Variants in STPG2 observed in about 807,000 individuals in gnomAD.
The protein encoded by STPG2 is sperm-tail PG-rich repeat-containing protein 2.
Under a neutral mutation model 54.2 loss-of-function variants are expected in STPG2, and 56 were observed. That is an observed-to-expected ratio of 1.03 (90% CI 0.83 to 1.29). The LOEUF (loss-of-function observed/expected upper bound fraction) is 1.29. STPG2 is among the 50% of genes most tolerant of loss of function. The probability of loss-of-function intolerance (pLI) is 0.00; values close to 1 mark genes in which losing one functional copy is unlikely to be tolerated. For synonymous variants in STPG2, 200 were observed against 181.8 expected (o/e 1.10, Z -0.81); for missense variants, 596 against 544.9 (o/e 1.09, Z -0.93).
At chr4:98,112,752 G>A (rs1235906900) in intron 3 of STPG2, among the ~76,000 whole-genome samples, 3 of 152,040 alleles carry the variant, frequency 2.0e-5, no homozygotes, top group Non-Finnish European at 4.4e-5. Context: ...ACAAGAAGTC[G>A]TCTGCTATGT....
intron 8 of STPG2, among the ~76,000 whole-genome samples, chr4:97,853,808 G>T (rs953894764): frequency 6.6e-5 from 10 of 151,988 alleles, no homozygotes; most frequent in Admixed American, 2.0e-4. Context: ...TAGAAACTGG[G>T]TCTCATTCTC....
chr4:98,031,938 T>C (rs1470404794), intron 5 of STPG2, among the ~76,000 whole-genome samples: 3 of 151,956 alleles, frequency 2.0e-5, no homozygotes, highest in African/African-American at 4.8e-5. Flanking sequence ...AAAGAAGATA[T>C]ACAAATGGCC....
intron 8 of STPG2, among the ~76,000 whole-genome samples, chr4:97,895,676 T>A (rs1730929028): frequency 6.6e-6 from 1 of 151,732 alleles, no homozygotes; most frequent in African/African-American, 2.4e-5. Context: ...TCTAATAAAA[T>A]CCCCTTCCCT....
chr4:97,674,709 A>C (rs1004593319), intron 10 of STPG2, among the ~76,000 whole-genome samples: 4 of 152,216 alleles, frequency 2.6e-5, no homozygotes, highest in African/African-American at 9.6e-5. Flanking sequence ...TGATGACATT[A>C]TTGCCAGTTT....
At chr4:97,484,555 T>C (rs1730306928) in intron 4 of STPG2, among the ~76,000 whole-genome samples, 1 of 151,754 alleles carries the variant, frequency 6.6e-6, no homozygotes, top group African/African-American at 2.4e-5. Flanking sequence ...AGCAGTGGCA[T>C]TGAAATGCTG....
chr4:97,751,494 T>C (rs1372387948), intron 9 of STPG2, among the ~76,000 whole-genome samples: 1 of 151,794 alleles, frequency 6.6e-6, no homozygotes, highest in Non-Finnish European at 1.5e-5. Flanking sequence ...GCACTATTAA[T>C]AGTTACATGC....
At chr4:97,641,196 T>G (rs1303424254) in intron 10 of STPG2, among the ~76,000 whole-genome samples, 3 of 151,628 alleles carry the variant, frequency 2.0e-5, no homozygotes, top group African/African-American at 7.3e-5. Flanking sequence ...ACTTCTCTTT[T>G]AGCACACATT....
chr4:98,070,518 G>C (rs1348985808), intron 5 of STPG2, among the ~76,000 whole-genome samples: 1 of 151,842 alleles, frequency 6.6e-6, no homozygotes, highest in Non-Finnish European at 1.5e-5. Flanking sequence ...TCTGGCCAGG[G>C]CAATATGGCA....
intron 5 of STPG2, among the ~76,000 whole-genome samples, chr4:98,006,277 A>G (rs528008473): frequency 3.3e-5 from 5 of 152,172 alleles, no homozygotes; most frequent in Admixed American, 6.6e-5. Context: ...AGAGGAAGAG[A>G]GTGTCCCTCT....
chr4:97,869,707 C>T (rs1487414697), intron 8 of STPG2, among the ~76,000 whole-genome samples: 1 of 151,636 alleles, frequency 6.6e-6, no homozygotes, highest in Non-Finnish European at 1.5e-5. Context: ...TTATCTACTA[C>T]TAGTCAAACA....
At chr4:97,546,105 T>C (rs775612698) in intron 4 of STPG2, among the ~76,000 whole-genome samples, 2 of 151,356 alleles carry the variant, frequency 1.3e-5, no homozygotes, top group East Asian at 1.9e-4. Flanking sequence ...TAGAAAAAAA[T>C]AGAGAACCAG....
chr4:97,768,916 G>A (rs913584381), intron 9 of STPG2, among the ~76,000 whole-genome samples: 1 of 152,112 alleles, frequency 6.6e-6, no homozygotes, highest in Non-Finnish European at 1.5e-5. Context: ...TAGCCAGGCT[G>A]GTCTCGATGG....
intron 7 of STPG2, among the ~76,000 whole-genome samples, chr4:97,953,446 T>C (rs1244925616): frequency 2.0e-5 from 3 of 152,222 alleles, no homozygotes; most frequent in Admixed American, 2.0e-4. Context: ...CTTCTCCCAG[T>C]CTGCCTGTAA....
intron 5 of STPG2, among the ~76,000 whole-genome samples, chr4:98,020,627 G>A (rs973554777): frequency 6.6e-6 from 1 of 152,102 alleles, no homozygotes; most frequent in African/African-American, 2.4e-5. Flanking sequence ...GGTAGAACTC[G>A]GCTGTGAATC....
chr4:97,580,977 A>T (rs1732849952), intron 10 of STPG2, among the ~76,000 whole-genome samples: 1 of 152,070 alleles, frequency 6.6e-6, no homozygotes, highest in African/African-American at 2.4e-5. Flanking sequence ...ATACAATTAT[A>T]AATTTTGATT....
chr4:97,480,959 A>G (rs1730206062), intron 4 of STPG2, among the ~76,000 whole-genome samples: 1 of 151,406 alleles, frequency 6.6e-6, no homozygotes, highest in Non-Finnish European at 1.5e-5. Context: ...GTGGTTCAAA[A>G]TTTTCGCTTT....
chr4:97,574,311 T>C (rs1732668648), intron 10 of STPG2, among the ~76,000 whole-genome samples: 1 of 151,924 alleles, frequency 6.6e-6, no homozygotes, highest in Non-Finnish European at 1.5e-5. Flanking sequence ...ATGGCTGACA[T>C]CCCTAAAATA....
chr4:97,963,829 A>G (rs747323447), intron 7 of STPG2, among the ~76,000 whole-genome samples: 8 of 152,072 alleles, frequency 5.3e-5, no homozygotes, highest in Non-Finnish European at 1.2e-4. Context: ...ACTCAAACTG[A>G]AAGTCTAGAA....
intron 9 of STPG2, among the ~76,000 whole-genome samples, chr4:97,789,726 A>G (rs1464643689): frequency 6.6e-6 from 1 of 152,166 alleles, no homozygotes; most frequent in African/African-American, 2.4e-5. Context: ...GGCTTGTTAG[A>G]TGTCATAATT....
Sources: allele counts gnomAD v4.1 joint callset (sites outside exome capture counted in the v4.1 genomes callset), GRCh38; gene constraint gnomAD v4.1.1; transcripts MANE v1.5; gene names NCBI Gene and HGNC (gene_info 2026-07-23, HGNC 2026-07-21).